Variants in PIGQ observed in about 807,000 individuals in gnomAD.
The protein encoded by PIGQ is phosphatidylinositol glycan anchor biosynthesis class Q.
In PIGQ, 54 loss-of-function variants were observed where a neutral mutation model predicts 60.3. The ratio of observed to expected loss-of-function variants is 0.90; its 90% CI spans 0.72 to 1.12. The LOEUF is 1.12. Among genes scored for constraint, PIGQ ranks in the 50% most tolerant of loss-of-function variants. The pLI is 0.00. For missense variants in PIGQ, 799 were observed against 793.5 expected, an observed-to-expected ratio of 1.01 and a Z score of -0.08; for synonymous variants, 416 against 363.7, an observed-to-expected ratio of 1.14 and a Z score of -1.64.
chr16:578,680 C>T, intron 5 of PIGQ, 105 bp from the exon 6 acceptor site: 1 of 1,476,364 alleles, frequency 6.8e-7, no homozygotes, highest in Non-Finnish European at 9.3e-7. Context: ...GGGCTGACCC[C>T]ACCCTGCCAG....
chr16:582,862 C>T, intron 10 of PIGQ, 21 bp from the exon 11 acceptor site: 1 of 1,579,150 alleles, frequency 6.3e-7, no homozygotes, highest in East Asian at 2.2e-5. Flanking sequence ...ACCCCACTGA[C>T]CGCTGCCCTT....
intron 3 of PIGQ, 38 bp downstream of exon 3, chr16:576,008 T>A (rs2035710665): frequency 6.4e-7 from 1 of 1,560,718 alleles, no homozygotes. Flanking sequence ...GCTGGGTGCG[T>A]GCCCTCTGGC....
chr16:583,839 C>T lies in PIGQ; in HGVS notation c.*804C>T, dbSNP rs988432256. 7.6e-6 allele frequency: 5 copies of T among 661,116 alleles called. No individual in the cohort carries two copies. The highest frequency in any genetic ancestry group is 1.8e-5 in the African/African-American group (1 of 56,012). The allele number at this position is 661,116 out of a possible 1,614,324, so 41.0% of individuals were successfully genotyped here. On this transcript the variant is annotated 3_prime_UTR_variant, in exon 11 of 11. Transcript: ENST00000321878. Reference sequence around the variant, plus strand: ...CTGTGCAGACACCTCTGTGGCCCCCCAGGAGTGTGAGTGGCCTGGGGAGGG... The same window carrying T: ...CTGTGCAGACACCTCTGTGGCCCCCTAGGAGTGTGAGTGGCCTGGGGAGGG...
chr16:573,726 A>T lies in PIGQ; in HGVS notation c.-9-340A>T, dbSNP rs2035669617. On this transcript the variant is annotated intron_variant, in intron 1 of 10. Coordinates refer to ENST00000321878, the MANE Select transcript of PIGQ (RefSeq NM_004204.5). ...GAAGCCTGGAGTTCGGTTCGGCCCC[A>T]CAGCCGCGTCAGGTGGTGCCGAGGA... is the stretch of plus-strand genomic sequence containing the variant. Among the ~76,000 whole-genome samples, 4 of 152,230 alleles carry T rather than the reference A, an allele frequency of 2.6e-5. No individual in the cohort carries two copies. The South Asian group carries it at 8.3e-4, about 32-fold the overall frequency.
In PIGQ at chr16:570,017, C is replaced by T. The variant is rs1371097004; in HGVS notation, c.-89C>T. On this transcript the variant is annotated 5_prime_UTR_variant, in exon 1 of 11. Transcript: ENST00000321878. Reference sequence around the variant, plus strand: ...CGGGGCTGGAGGCAGCGAGCGCCGTCGTCTGCCCGGGCCCGCCCATCGGGG... The same window carrying T: ...CGGGGCTGGAGGCAGCGAGCGCCGTTGTCTGCCCGGGCCCGCCCATCGGGG... 1.3e-5 allele frequency: 2 copies of T among 149,630 alleles called. No homozygotes were observed. Among genetic ancestry groups the T allele is most frequent in the Non-Finnish European group, 3.0e-5 (2 of 66,966 alleles). The allele number at this position is 149,630 out of a possible 1,614,324, so 9.3% of individuals were successfully genotyped here. A position where few individuals can be genotyped will look rare whatever the true frequency, so the allele number is the denominator to read the frequency against.
rs2035798066 is a variant in PIGQ at position 580,858 on chromosome 16, C to G, written c.1417C>G (p.Leu473Val). Residue 473 changes from leucine to valine, a missense_variant and splice_region_variant, in exon 9 of 11, where the codon CTC becomes GTC. Coordinates refer to ENST00000321878, the MANE Select transcript of PIGQ (RefSeq NM_004204.5). ...TALYYLVFTL[L>V]RLLVVAVQGL... ...GGTCCTAAATGCTCCTCTGCCACAG[C>G]TCCGGCTCCTGGTGGTCGCCGTGCA... 2 of 1,411,880 alleles carry G rather than the reference C, an allele frequency of 1.4e-6. No individual in the cohort carries two copies. The highest frequency in any genetic ancestry group is 2.0e-6 in the Non-Finnish European group (2 of 1,003,618). 87.5% of individuals were successfully genotyped at this position (1,411,880 alleles called of 1,614,324 possible).
intron 3 of PIGQ, 27 bp from the exon 4 acceptor site, chr16:576,107 G>A (rs1386253265): frequency 1.3e-6 from 2 of 1,545,340 alleles, no homozygotes. Context: ...CCACCCTCAT[G>A]CCGGCCGGGC....
Position 583,532 on chromosome 16 carries a change from A to C in PIGQ, c.*497A>C. The C allele has an allele frequency of 6.2e-7, 1 of 1,612,402 alleles. No individual in the cohort carries two copies. On this transcript the variant is annotated 3_prime_UTR_variant, in exon 11 of 11. Transcript: ENST00000321878. Reference sequence around the variant, plus strand: ...CCGAACAGCACCCTGCATCTGGGGGATTGAAGCAGTCGCTGACCCCCGTCC... The same window carrying C: ...CCGAACAGCACCCTGCATCTGGGGGCTTGAAGCAGTCGCTGACCCCCGTCC...
At chr16:579,205 AG>A in intron 7 of PIGQ, 25 bp downstream of exon 7, 1 of 1,581,346 alleles carries the variant, frequency 6.3e-7, no homozygotes. Flanking sequence ...TCGTGGCTGG[AG>A]GGGCTGACTG....
Position 574,610 on chromosome 16 carries a change from A to G in PIGQ, c.536A>G (p.Asp179Gly), listed in dbSNP as rs762400563. ...CGCAGTGAGGTGCTCTTCCGCAGTG[A>G]CCGCTTTGATGAGGGCCCCGTGCGG... is the stretch of plus-strand genomic sequence containing the variant. Reference protein sequence around the residue: ...VARSEVLFRSDRFDEGPVRLS... With the variant: ...VARSEVLFRSGRFDEGPVRLS... Residue 179 changes from aspartate to glycine, a missense_variant, in exon 2 of 11, where the codon GAC (aspartate) becomes GGC (glycine). By Grantham distance (94) the Asp-to-Gly change is moderately conservative. Coordinates refer to ENST00000321878, the MANE Select transcript of PIGQ (RefSeq NM_004204.5). 38 of 1,606,010 alleles carry G rather than the reference A, an allele frequency of 2.4e-5. No homozygotes were observed. The highest frequency in any genetic ancestry group is 3.1e-5 in the Non-Finnish European group (36 of 1,177,598).
chr16:574,782 G>A lies in PIGQ; in HGVS notation c.689+19G>A, dbSNP rs1192312095. The A allele has an allele frequency of 6.6e-7, 1 of 1,523,866 alleles. No homozygotes were observed. The highest frequency in any genetic ancestry group is 2.3e-5 in the East Asian group (1 of 43,004). 94.4% of individuals were successfully genotyped at this position (1,523,866 alleles called of 1,614,324 possible). A position where few individuals can be genotyped will look rare whatever the true frequency, so the allele number is the denominator to read the frequency against. ...CCTGCCGGTAGGTGTCCCGGGACAG[G>A]CAGGTGGCAAAGAGTGGGGTCCCAT... On this transcript the variant is annotated intron_variant, in intron 2 of 10. Transcript: ENST00000321878.
intron 7 of PIGQ, 58 bp downstream of exon 7, chr16:579,238 G>C (rs2035774303): frequency 1.1e-5 from 15 of 1,425,626 alleles, no homozygotes; most frequent in African/African-American, 5.6e-5. Flanking sequence ...TGCCCGCTGG[G>C]CCAGCGCGGT....
intron 1 of PIGQ, chr16:572,703 G>A (rs1470547411): frequency 1.3e-5 from 6 of 455,780 alleles, no homozygotes; most frequent in Non-Finnish European, 1.8e-5. Context: ...GGGACCTCCA[G>A]GCGTCCCGCT....
chr16:572,688 G>T (rs1404224997), intron 1 of PIGQ: 1 of 455,990 alleles, frequency 2.2e-6, no homozygotes, highest in Non-Finnish European at 4.4e-6. Context: ...GGCGTGGTGG[G>T]CACTGGGACC....
chr16:574,380 C>T lies in PIGQ; in HGVS notation c.306C>T (p.Gly102=). Reference sequence around the variant, plus strand: ...TGCGGCTGTGCCGGGAGAGAGGCGGCACGTTCTGGAGCTGCGAGGCCACCC... The same window carrying T: ...TGCGGCTGTGCCGGGAGAGAGGCGGTACGTTCTGGAGCTGCGAGGCCACCC... The part of the protein sequence containing the change: ...PWLRLCRERG[G]TFWSCEATHR... Residue 102 remains glycine, a synonymous_variant, in exon 2 of 11, where the codon GGC becomes GGT. Transcript: ENST00000321878. 1 of 1,610,426 alleles carries T rather than the reference C, an allele frequency of 6.2e-7. No homozygotes were observed. Among genetic ancestry groups the T allele is most frequent in the East Asian group, 2.2e-5 (1 of 44,814 alleles).
Position 583,654 on chromosome 16 carries a change from T to C in PIGQ, c.*619T>C. The C allele has an allele frequency of 6.2e-7, 1 of 1,611,764 alleles. No homozygotes were observed. The highest frequency in any genetic ancestry group is 8.5e-7 in the Non-Finnish European group (1 of 1,179,616). The stretch of plus-strand genomic sequence containing the variant: ...TTGTGAAGAAACCATCAGCAGGCTG[T>C]GAGCATCGCCAGGCTGCTGTGGGGG... On this transcript the variant is annotated 3_prime_UTR_variant, in exon 11 of 11. Transcript: ENST00000321878.
intron 10 of PIGQ, chr16:582,605 C>G (rs1229436403): frequency 1.7e-6 from 1 of 574,926 alleles, no homozygotes; most frequent in Non-Finnish European, 3.1e-6. Context: ...GGAACAGAAC[C>G]GACTGAGTGA....
intron 6 of PIGQ, 25 bp from the exon 7 acceptor site, chr16:579,044 G>C (rs2035770472): frequency 6.3e-7 from 1 of 1,596,052 alleles, no homozygotes; most frequent in Non-Finnish European, 8.6e-7. Context: ...GGCGGGGCCG[G>C]GCCCGACAGC....
In PIGQ at chr16:574,080, G is replaced by T; in HGVS notation, c.6G>T (p.Val2=). 1 of 1,600,800 alleles carries T rather than the reference G, an allele frequency of 6.2e-7. No individual in the cohort carries two copies. The highest frequency in any genetic ancestry group is 8.5e-7 in the Non-Finnish European group (1 of 1,174,818). The change falls in exon 2 of 11, where the codon GTG becomes GTT. Residue 2 remains valine, a synonymous_variant. Coordinates refer to ENST00000321878, the MANE Select transcript of PIGQ (RefSeq NM_004204.5). M[V]LKAFFPTCCV... ...TTCTCTTCCAGCCTCCCGGCATGGT[G>T]CTCAAGGCCTTCTTCCCCACGTGCT...
Sources: allele counts gnomAD v4.1 joint callset (sites outside exome capture counted in the v4.1 genomes callset), GRCh38; gene constraint gnomAD v4.1.1; transcripts MANE v1.5; gene names NCBI Gene and HGNC (gene_info 2026-07-23, HGNC 2026-07-21).